The following LGALS8 variants were observed in gnomAD, a reference collection of about 807,000 sequenced individuals.
LGALS8 encodes the protein galectin-8.
Under a neutral mutation model 35.9 loss-of-function variants are expected in LGALS8, and 30 were observed. The ratio of observed to expected loss-of-function variants is 0.83; its 90% CI spans 0.62 to 1.13. The LOEUF is 1.13. LGALS8 is among the 50% of genes most tolerant of loss of function. The probability of loss-of-function intolerance (pLI) is 0.00; values close to 1 mark genes in which losing one functional copy is unlikely to be tolerated. For missense variants in LGALS8, 366 were observed against 388.7 expected (o/e 0.94, Z 0.49); for synonymous variants, 138 against 136.1 (o/e 1.01, Z -0.10).
upstream of LGALS8, among the ~76,000 whole-genome samples, chr1:236,519,668 C>T (rs1191156836): frequency 1.3e-5 from 2 of 152,164 alleles, no homozygotes; most frequent in South Asian, 2.1e-4. Flanking sequence ...AAGTCAGTAG[C>T]GTGCTGGTAA....
At position 236,551,949 on chromosome 1, in the gene LGALS8, A is replaced by T; in HGVS notation, c.*3788A>T. On this transcript the variant is annotated 3_prime_UTR_variant, in exon 10 of 10. Transcript: ENST00000366584. ...ATTGGGCACATTTTCACAGAATTTT[A>T]CTGAATTATTCCTTAATTGTTTAAT... The T allele has an allele frequency of 1.6e-6, 2 of 1,223,552 alleles. No individual in the cohort carries two copies. The highest frequency in any genetic ancestry group is 2.4e-6 in the Non-Finnish European group (2 of 831,486). 75.8% of individuals were successfully genotyped at this position (1,223,552 alleles called of 1,614,324 possible).
upstream of LGALS8, among the ~76,000 whole-genome samples, chr1:236,522,198 T>C (rs1300236185): frequency 6.6e-6 from 1 of 152,246 alleles, no homozygotes; most frequent in African/African-American, 2.4e-5. Flanking sequence ...TTGTTAACTC[T>C]GCTCTCTGGC....
At chr1:236,540,479 A>C (rs1661910276) in intron 4 of LGALS8, 85 bp from the exon 5 acceptor site, 1 of 1,416,420 alleles carries the variant, frequency 7.1e-7, no homozygotes, top group Non-Finnish European at 9.3e-7. Flanking sequence ...GGACGCAAGG[A>C]AACATTTAAA....
Position 236,544,780 on chromosome 1 carries a change from A to G in LGALS8, c.669A>G (p.Ser223=). 2 of 1,606,602 alleles carry G rather than the reference A, an allele frequency of 1.2e-6. No individual in the cohort carries two copies. The highest frequency in any genetic ancestry group is 4.5e-5 in the East Asian group (2 of 44,830). The change falls in exon 9 of 10, where the codon TCA becomes TCG. Residue 223 remains serine (S), a synonymous_variant. Transcript: ENST00000366584. Reference sequence around the variant, plus strand: ...ATGTTGACCTACTAGCAGGAAAATCAAAGGATATTGCTCTACACTTGAACC... The same window carrying G: ...ATGTTGACCTACTAGCAGGAAAATCGAAGGATATTGCTCTACACTTGAACC... ...SFNVDLLAGK[S]KDIALHLNPR... is the part of the protein sequence containing the mutation.
intron 2 of LGALS8, among the ~76,000 whole-genome samples, chr1:236,531,180 C>T (rs1189325589): frequency 2.0e-5 from 3 of 151,984 alleles, no homozygotes; most frequent in South Asian, 2.1e-4. Context: ...TGTCTTTTTG[C>T]GATTATATCC....
intron 3 of LGALS8, among the ~76,000 whole-genome samples, chr1:236,538,385 G>A (rs34208744): frequency 6.6e-6 from 1 of 151,548 alleles, no homozygotes; most frequent in East Asian, 1.9e-4. Flanking sequence ...AGACTCCTTC[G>A]AGCTCACCAC....
At position 236,549,005 on chromosome 1, in the gene LGALS8, T is replaced by C. The variant is rs1662584415; in HGVS notation, c.*844T>C. On this transcript the variant is annotated 3_prime_UTR_variant, in exon 10 of 10. Coordinates refer to ENST00000366584, the MANE Select transcript of LGALS8 (RefSeq NM_201544.4). ...AAGTTTCAGGAAGAGGCAAGATGCA[T>C]TCAATTTGAAAGATATTTATGGGCA... The C allele has an allele frequency of 2.5e-6, 1 of 398,480 alleles. No individual in the cohort carries two copies. Among genetic ancestry groups the C allele is most frequent in the African/African-American group, 2.1e-5 (1 of 48,606 alleles). The allele number at this position is 398,480 out of a possible 1,614,324, so 24.7% of individuals were successfully genotyped here.
At position 236,551,134 on chromosome 1, in the gene LGALS8, G is replaced by T. The variant is rs1272079754; in HGVS notation, c.*2973G>T. ...AATGAAGCACATTAACAAAGCAGGA[G>T]GCGCCACGGACCGCCTCCCTCCACA... On this transcript the variant is annotated 3_prime_UTR_variant, in exon 10 of 10. Coordinates refer to ENST00000366584, the MANE Select transcript of LGALS8 (RefSeq NM_201544.4). 2 of 651,050 alleles carry T rather than the reference G, an allele frequency of 3.1e-6. No individual in the cohort carries two copies. Among genetic ancestry groups the T allele is most frequent in the Non-Finnish European group, 5.1e-6 (2 of 395,502 alleles). The allele number at this position is 651,050 out of a possible 1,614,324, so 40.3% of individuals were successfully genotyped here. A position where few individuals can be genotyped will look rare whatever the true frequency, so the allele number is the denominator to read the frequency against.
In LGALS8 at chr1:236,550,618, C is replaced by A. The variant is rs1021075581; in HGVS notation, c.*2457C>A. 2 of 333,294 alleles carry A rather than the reference C, an allele frequency of 6.0e-6. No homozygotes were observed. Among genetic ancestry groups the A allele is most frequent in the Non-Finnish European group, 1.1e-5 (2 of 184,430 alleles). 20.6% of individuals were successfully genotyped at this position (333,294 alleles called of 1,614,324 possible). ...AAAATTAACAAGTCTAATATTATTA[C>A]CATCAATCAGGAAGAGAATAATAAA... is the stretch of plus-strand genomic sequence containing the variant. On this transcript the variant is annotated 3_prime_UTR_variant, in exon 10 of 10. Transcript: ENST00000366584.
rs142566127 is a variant in LGALS8 at position 236,543,571 on chromosome 1, C to T, written c.561C>T (p.Phe187=). 2,057 of 1,613,714 alleles carry T rather than the reference C, an allele frequency of 1.3e-3. 5 individuals carry two copies. Among genetic ancestry groups the T allele is most frequent in the South Asian group, 5.1e-3 (460 of 91,058 alleles). Residue 187 remains phenylalanine (F), a synonymous_variant, in exon 8 of 10, where the codon TTC becomes TTT. Transcript: ENST00000366584. ...TGGCTTCTTTTCAGAGGCTGCCATT[C>T]GCTGCAAGGTTGAACACCCCCATGG... ...KSGTPQLRLP[F]AARLNTPMGP...
chr1:236,521,918 T>G (rs1301080075), upstream of LGALS8, among the ~76,000 whole-genome samples: 1 of 152,090 alleles, frequency 6.6e-6, no homozygotes, highest in Non-Finnish European at 1.5e-5. Flanking sequence ...GTGTTGAGAC[T>G]ACATTGCAGA....
intron 8 of LGALS8, among the ~76,000 whole-genome samples, chr1:236,544,252 A>G (rs1415125657): frequency 6.6e-6 from 1 of 152,202 alleles, no homozygotes; most frequent in Non-Finnish European, 1.5e-5. Flanking sequence ...CGCCCAGCCC[A>G]GGCAACATTT....
In LGALS8 at chr1:236,548,081, C is replaced by G; in HGVS notation, c.874C>G (p.His292Asp). 3 of 1,613,662 alleles carry G rather than the reference C, an allele frequency of 1.9e-6. No individual in the cohort carries two copies. Residue 292 changes from histidine to aspartate, a missense_variant, in exon 10 of 10, where the codon CAC (histidine) becomes GAC (aspartate). His to Asp is a moderately conservative substitution (Grantham distance 81). Coordinates refer to ENST00000366584, the MANE Select transcript of LGALS8 (RefSeq NM_201544.4). Reference sequence around the variant, plus strand: ...TGGCGTACACAGCCTGGAGTACAAACACAGATTTAAAGAGCTCAGCAGTAT... The same window carrying G: ...TGGCGTACACAGCCTGGAGTACAAAGACAGATTTAAAGAGCTCAGCAGTAT... ...VNGVHSLEYK[H>D]RFKELSSIDT...
chr1:236,534,414 G>A (rs750289309), intron 2 of LGALS8, among the ~76,000 whole-genome samples: 4 of 152,160 alleles, frequency 2.6e-5, no homozygotes, highest in African/African-American at 7.2e-5. Context: ...TGACTGTGGC[G>A]TAAGCTTGTG....
chr1:236,531,100 TTCC>T lies in LGALS8; in HGVS notation c.45+4988_45+4990del, dbSNP rs1661116036. Among the ~76,000 whole-genome samples the T allele has an allele frequency of 2.0e-5, 3 of 152,214 alleles. No individual in the cohort carries two copies. The South Asian group carries it at 6.2e-4, about 32-fold the overall frequency. ...TTGGAAATGTCATTTTATTTAGAAC[TTCC>T]TCATTTATTTTAACAGCTGCATAAT... On this transcript the variant is annotated intron_variant, in intron 2 of 9. Coordinates refer to ENST00000366584, the MANE Select transcript of LGALS8 (RefSeq NM_201544.4).
At position 236,539,053 on chromosome 1, in the gene LGALS8, T is replaced by C. The variant is rs774119390; in HGVS notation, c.309T>C (p.Phe103=). The C allele has an allele frequency of 6.2e-6, 10 of 1,613,676 alleles. No individual in the cohort carries two copies. Among genetic ancestry groups the C allele is most frequent in the Non-Finnish European group, 7.6e-6 (9 of 1,179,636 alleles). ...CGCCTTTCAAAAGAGAAAAGTCTTTTGAGATCGTGATTATGGTGCTGAAGG... is the reference window on the plus strand; with the variant it reads ...CGCCTTTCAAAAGAGAAAAGTCTTTCGAGATCGTGATTATGGTGCTGAAGG... ...YDTPFKREKS[F]EIVIMVLKDK... is the part of the protein sequence containing the mutation. The change falls in exon 4 of 10, where the codon TTT becomes TTC. Residue 103 remains phenylalanine (F), a synonymous_variant. Transcript: ENST00000366584.
intron 7 of LGALS8, 35 bp from the exon 8 acceptor site, chr1:236,543,525 C>T (rs1662157169): frequency 6.8e-7 from 1 of 1,478,986 alleles, no homozygotes; most frequent in Non-Finnish European, 9.5e-7. Context: ...TCGCTTTCTG[C>T]AGGCCTCTTG....
At chr1:236,546,734 C>T (rs1662386875) in intron 9 of LGALS8, among the ~76,000 whole-genome samples, 1 of 152,248 alleles carries the variant, frequency 6.6e-6, no homozygotes, top group South Asian at 2.1e-4. Flanking sequence ...CTAATTGACT[C>T]CCTCTGCTGC....
At position 236,538,901 on chromosome 1, in the gene LGALS8, G is replaced by A. The variant is rs375649694; in HGVS notation, c.157G>A (p.Gly53Ser). The A allele has an allele frequency of 6.2e-7, 1 of 1,612,736 alleles. No individual in the cohort carries two copies. The highest frequency in any genetic ancestry group is 1.3e-5 in the African/African-American group (1 of 74,880). ...TAGATTCCAGGTGGATCTGCAGAAT[G>A]GCAGCAGCATGAAACCTCGAGCCGA... ...ADRFQVDLQN[G>S]SSMKPRADVA... Residue 53 changes from glycine (G) to serine (S), a missense_variant, in exon 4 of 10, where the codon GGC becomes AGC. Gly to Ser is a moderately conservative substitution (Grantham distance 56, BLOSUM62 0). Transcript: ENST00000366584.
Sources: allele counts gnomAD v4.1 joint callset (sites outside exome capture counted in the v4.1 genomes callset), GRCh38; gene constraint gnomAD v4.1.1; transcripts MANE v1.5; gene names NCBI Gene and HGNC (gene_info 2026-07-23, HGNC 2026-07-21).